The following MAPK10 variants were observed in gnomAD, a reference collection of about 807,000 sequenced individuals.
MAPK10 encodes the protein JNK3 alpha protein kinase.
A neutral mutation model predicts 59.3 loss-of-function variants in MAPK10; 25 were observed. The ratio of observed to expected loss-of-function variants is 0.42; its 90% CI spans 0.31 to 0.59. The LOEUF (loss-of-function observed/expected upper bound fraction) is 0.59, where lower values mean the gene tolerates loss of function less well. MAPK10 is among the 20% of genes least tolerant of loss of function. The probability of loss-of-function intolerance (pLI) is 0.15; values close to 1 mark genes in which losing one functional copy is unlikely to be tolerated. For synonymous variants in MAPK10, 190 were observed against 200.5 expected (o/e 0.95, Z 0.44); for missense variants, 351 against 568.9 (o/e 0.62, Z 3.90).
intron 1 of MAPK10, among the ~76,000 whole-genome samples, chr4:86,406,208 C>A (rs1171017188): frequency 6.6e-6 from 1 of 152,170 alleles, no homozygotes; most frequent in Non-Finnish European, 1.5e-5. Flanking sequence ...TAGCTTACAG[C>A]AGTGCTAATC....
chr4:86,054,719 T>C lies in MAPK10; in HGVS notation c.1110+9547A>G, dbSNP rs940591826. ...TATATTCTGAGTCTAACAAACCTAC[T>C]TAGAGTTCAACTCCACACTGAAAGA... On this transcript the variant is annotated intron_variant, in intron 11 of 13. Transcript: ENST00000641462. Among the ~76,000 whole-genome samples the C allele has an allele frequency of 2.6e-5, 4 of 152,314 alleles. No homozygotes were observed. The South Asian group carries it at 8.3e-4, about 32-fold the overall frequency.
chr4:86,214,430 T>C (rs571502680), intron 2 of MAPK10, among the ~76,000 whole-genome samples: 15 of 144,164 alleles, frequency 1.0e-4, no homozygotes, highest in African/African-American at 3.5e-4. Flanking sequence ...AGAAAGGGCA[T>C]CCAAATTTGA....
At chr4:86,155,681 T>C (rs903455745) in intron 4 of MAPK10, among the ~76,000 whole-genome samples, 5 of 152,062 alleles carry the variant, frequency 3.3e-5, no homozygotes, top group Non-Finnish European at 7.4e-5. Context: ...TAACATACTG[T>C]TCAAATTTCA....
At chr4:86,291,458 A>G (rs1180733476) in intron 2 of MAPK10, among the ~76,000 whole-genome samples, 2 of 152,198 alleles carry the variant, frequency 1.3e-5, no homozygotes, top group East Asian at 3.9e-4. Context: ...AAAAGGCCCA[A>G]GCATGCCCCA....
chr4:86,028,662 A>G (rs1241552334), intron 13 of MAPK10: 1 of 156,694 alleles, frequency 6.4e-6, no homozygotes, highest in Non-Finnish European at 1.4e-5. Context: ...ACTAAAGCAC[A>G]TTACTAGGAT....
At chr4:86,088,573 T>G (rs1388264166) in intron 9 of MAPK10, among the ~76,000 whole-genome samples, 2 of 152,188 alleles carry the variant, frequency 1.3e-5, no homozygotes, top group Non-Finnish European at 2.9e-5. Flanking sequence ...TTCAGATATT[T>G]TATATAACCA....
chr4:86,489,325 C>CG (rs1361462453), intron 1 of MAPK10, among the ~76,000 whole-genome samples: 1 of 152,068 alleles, frequency 6.6e-6, no homozygotes, highest in Non-Finnish European at 1.5e-5. Flanking sequence ...TCAAAGTAGG[C>CG]GCTGCTCTCC....
At chr4:86,585,450 G>C (rs1480041094) in intron 1 of MAPK10, among the ~76,000 whole-genome samples, 2 of 152,154 alleles carry the variant, frequency 1.3e-5, no homozygotes. Context: ...TTGCATTATG[G>C]AAAGTGTTTA....
At chr4:86,175,642 A>G (rs1034956823) in intron 3 of MAPK10, among the ~76,000 whole-genome samples, 1 of 151,998 alleles carries the variant, frequency 6.6e-6, no homozygotes, top group African/African-American at 2.4e-5. Context: ...TGCACCTTCC[A>G]CCATGATTAC....
intron 2 of MAPK10, among the ~76,000 whole-genome samples, chr4:86,244,104 G>A (rs767249032): frequency 1.3e-5 from 2 of 152,182 alleles, no homozygotes; most frequent in Non-Finnish European, 2.9e-5. Flanking sequence ...CATAAGTAGA[G>A]GCTGACATTG....
intron 1 of MAPK10, chr4:86,356,787 A>AAT (rs1200642197): frequency 1.3e-5 from 2 of 152,162 alleles, no homozygotes; most frequent in Non-Finnish European, 1.5e-5. Flanking sequence ...TAATGCAATA[A>AAT]ATATATCCAA....
chr4:86,455,364 C>T (rs1751139118), upstream of MAPK10, among the ~76,000 whole-genome samples: 1 of 152,052 alleles, frequency 6.6e-6, no homozygotes, highest in Non-Finnish European at 1.5e-5. Context: ...TAAGAATTCA[C>T]CAGCCAACTA....
intron 4 of MAPK10, among the ~76,000 whole-genome samples, chr4:86,157,037 C>A (rs1461705952): frequency 6.6e-6 from 1 of 151,952 alleles, no homozygotes; most frequent in Non-Finnish European, 1.5e-5. Context: ...TAATCATGCT[C>A]AACATTGACA....
chr4:86,071,502 C>A (rs1164041559), intron 9 of MAPK10, among the ~76,000 whole-genome samples: 5 of 145,664 alleles, frequency 3.4e-5, no homozygotes, highest in African/African-American at 1.0e-4. Flanking sequence ...CCTAGGTTTT[C>A]TTCTAGGGTT....
chr4:86,112,787 T>A (rs183929916), intron 4 of MAPK10, among the ~76,000 whole-genome samples: 1 of 152,204 alleles, frequency 6.6e-6, no homozygotes, highest in Non-Finnish European at 1.5e-5. Context: ...TTTGTCTCGA[T>A]GATCTGCCTA....
At chr4:86,270,930 G>C (rs1432964831) in intron 2 of MAPK10, among the ~76,000 whole-genome samples, 1 of 151,928 alleles carries the variant, frequency 6.6e-6, no homozygotes, top group Non-Finnish European at 1.5e-5. Flanking sequence ...GTTGAAATTT[G>C]GGGTTATTTT....
At chr4:86,423,908 GTAACC>G (rs1400036428) in intron 1 of MAPK10, among the ~76,000 whole-genome samples, 5 of 151,444 alleles carry the variant, frequency 3.3e-5, no homozygotes, top group Admixed American at 3.3e-4. Context: ...TTTAAGGAAA[GTAACC>G]TAAAAGTTAC....
chr4:86,168,161 C>T (rs1003189453), intron 3 of MAPK10, among the ~76,000 whole-genome samples: 7 of 152,246 alleles, frequency 4.6e-5, no homozygotes, highest in Non-Finnish European at 1.0e-4. Flanking sequence ...TTCTGCATTT[C>T]CATCTGAGGT....
intron 9 of MAPK10, among the ~76,000 whole-genome samples, chr4:86,088,326 C>G (rs913615906): frequency 1.3e-5 from 2 of 152,088 alleles, no homozygotes; most frequent in Non-Finnish European, 2.9e-5. Context: ...ACTACAGGGA[C>G]TTTCACCGTG....
Sources: allele counts gnomAD v4.1 joint callset (sites outside exome capture counted in the v4.1 genomes callset), GRCh38; gene constraint gnomAD v4.1.1; transcripts MANE v1.5; gene names NCBI Gene and HGNC (gene_info 2026-07-23, HGNC 2026-07-21).